C12orf54: variants seen among roughly 807,000 people sequenced by gnomAD.
The protein encoded by C12orf54 is chromosome 12 open reading frame 54.
A neutral mutation model predicts 26.4 loss-of-function variants in C12orf54; 24 were observed. The observed-to-expected ratio is 0.91, with a 90% CI of 0.66 to 1.28. C12orf54 has a LOEUF of 1.28. Ranked by LOEUF, C12orf54 falls within the 50% of genes most tolerant of loss-of-function variation. The pLI is 0.00. For missense variants in C12orf54, 154 were observed against 150.9 expected (o/e 1.02, Z -0.11); for synonymous variants, 54 against 47.0 (o/e 1.15, Z -0.61).
At chr12:48,455,851 C>T in the C12orf54 span, among the ~76,000 whole-genome samples, 7 of 152,134 alleles carry the variant, frequency 4.6e-5, no homozygotes, top group Non-Finnish European at 7.4e-5. Flanking sequence ...AGTTTCTTCG[C>T]CTTCTATTAC....
upstream of C12orf54, among the ~76,000 whole-genome samples, chr12:48,477,865 G>GA (rs549550190): frequency 5.9e-5 from 9 of 152,040 alleles, no homozygotes; most frequent in South Asian, 1.7e-3. Flanking sequence ...CCAATCAATA[G>GA]AAAAAAAGGG....
the C12orf54 span, among the ~76,000 whole-genome samples, chr12:48,416,817 G>A: frequency 1.3e-5 from 2 of 151,938 alleles, no homozygotes; most frequent in South Asian, 4.2e-4. Flanking sequence ...GGCCTAGATT[G>A]TGCCACTGCA....
chr12:48,464,792 C>T, the C12orf54 span, among the ~76,000 whole-genome samples: 3 of 152,102 alleles, frequency 2.0e-5, no homozygotes, highest in African/African-American at 7.2e-5. Context: ...TGATCTTCAA[C>T]AAAGCTGACA....
intron 5 of C12orf54, 71 bp downstream of exon 5, chr12:48,489,027 C>A: frequency 1.4e-6 from 2 of 1,441,172 alleles, no homozygotes; most frequent in Middle Eastern, 1.8e-4. Context: ...TTTTTCTTAC[C>A]CTACTGAGAT....
chr12:48,419,777 AG>A, the C12orf54 span, among the ~76,000 whole-genome samples: 1 of 152,190 alleles, frequency 6.6e-6, no homozygotes, highest in Admixed American at 6.5e-5. Flanking sequence ...GAGAGCCTCG[AG>A]GTACTCTGAC....
the C12orf54 span, among the ~76,000 whole-genome samples, chr12:48,457,226 G>T: frequency 5.9e-5 from 9 of 152,114 alleles, no homozygotes; most frequent in Non-Finnish European, 8.8e-5. Flanking sequence ...GAACTCAGAA[G>T]AATGGGCCGT....
the C12orf54 span, among the ~76,000 whole-genome samples, chr12:48,457,809 C>T: frequency 9.2e-5 from 14 of 152,190 alleles, no homozygotes; most frequent in African/African-American, 2.2e-4. Context: ...TTGTGTCCTG[C>T]GGGAGAAGCA....
chr12:48,425,262 T>A, the C12orf54 span, among the ~76,000 whole-genome samples: 3 of 152,252 alleles, frequency 2.0e-5, no homozygotes, highest in East Asian at 1.9e-4. Flanking sequence ...GGCCCCACTG[T>A]GTGCTGTTCC....
chr12:48,465,031 C>G, the C12orf54 span, among the ~76,000 whole-genome samples: 14 of 152,048 alleles, frequency 9.2e-5, no homozygotes, highest in African/African-American at 3.4e-4. Flanking sequence ...ACAAAAATGC[C>G]AAAAGCAATT....
chr12:48,421,512 CT>C, the C12orf54 span, among the ~76,000 whole-genome samples: 5,848 of 42,966 alleles, frequency 0.14, 113 homozygotes, highest in Non-Finnish European at 0.15. Flanking sequence ...ATATCATGTG[CT>C]TTTTTTTTTT....
the C12orf54 span, among the ~76,000 whole-genome samples, chr12:48,454,606 CT>C: frequency 6.6e-6 from 1 of 152,128 alleles, no homozygotes; most frequent in Non-Finnish European, 1.5e-5. Flanking sequence ...TATCTCTTTC[CT>C]TCTTTATTTA....
At chr12:48,489,354 G>T in intron 5 of C12orf54, 1 of 315,564 alleles carries the variant, frequency 3.2e-6, no homozygotes, top group Non-Finnish European at 6.3e-6. Context: ...AACCATCTTG[G>T]GTAAATAGAA....
the C12orf54 span, among the ~76,000 whole-genome samples, chr12:48,416,726 G>T: frequency 1.7e-4 from 26 of 152,062 alleles, no homozygotes; most frequent in African/African-American, 5.6e-4. Flanking sequence ...GCTGGGCATG[G>T]TGGCGGGCAT....
At chr12:48,488,486 A>AG in intron 4 of C12orf54, 1 of 376,780 alleles carries the variant, frequency 2.7e-6, no homozygotes, top group Admixed American at 3.8e-5. Context: ...ACAGCCAAAA[A>AG]AAAAAAAAAG....
intron 6 of C12orf54, among the ~76,000 whole-genome samples, chr12:48,491,749 T>C (rs1025081713): frequency 1.3e-5 from 2 of 152,296 alleles, no homozygotes; most frequent in African/African-American, 4.8e-5. Flanking sequence ...CCTAGAATTA[T>C]AGCAGAAAAG....
chr12:48,455,792 C>T, the C12orf54 span, among the ~76,000 whole-genome samples: 1 of 152,186 alleles, frequency 6.6e-6, no homozygotes, highest in African/African-American at 2.4e-5. Flanking sequence ...TTGATACATA[C>T]ACATAAATGA....
chr12:48,436,740 G>A, the C12orf54 span, among the ~76,000 whole-genome samples: 2 of 152,050 alleles, frequency 1.3e-5, no homozygotes, highest in Admixed American at 1.3e-4. Flanking sequence ...AGAATCTCTG[G>A]GACACATTCA....
the C12orf54 span, among the ~76,000 whole-genome samples, chr12:48,440,264 A>T: frequency 6.6e-6 from 1 of 152,152 alleles, no homozygotes; most frequent in Non-Finnish European, 1.5e-5. Context: ...GGTAGTAAAG[A>T]TGGCAGAAAA....
chr12:48,413,969 C>A, the C12orf54 span, among the ~76,000 whole-genome samples: 1 of 152,322 alleles, frequency 6.6e-6, no homozygotes, highest in South Asian at 2.1e-4. Flanking sequence ...ATCCAGCTCC[C>A]CATCTAGCAA....
Sources: allele counts gnomAD v4.1 joint callset (sites outside exome capture counted in the v4.1 genomes callset), GRCh38; gene constraint gnomAD v4.1.1; transcripts MANE v1.5; gene names NCBI Gene and HGNC (gene_info 2026-07-23, HGNC 2026-07-21).